Variants in AFF2 observed in about 807,000 individuals in gnomAD.
AFF2 encodes AF4/FMR2 family member 2.
In AFF2, 14 loss-of-function variants were observed where a neutral mutation model predicts 76.9. That is an observed-to-expected ratio of 0.18 (90% CI 0.12 to 0.28). The LOEUF (loss-of-function observed/expected upper bound fraction) is 0.28, where lower values mean the gene tolerates loss of function less well. Ranked by LOEUF, AFF2 falls within the 10% of genes least tolerant of loss-of-function variation. AFF2 has a pLI of 1.00. For synonymous variants in AFF2, 398 were observed against 366.7 expected (o/e 1.09, Z -0.98); for missense variants, 868 against 1,001.1 (o/e 0.87, Z 1.79).
At chrX:148,913,833 G>T (rs2071497650) in intron 9 of AFF2, among the ~76,000 whole-genome samples, 1 of 112,123 alleles carries the variant, frequency 8.9e-6, no homozygotes, top group East Asian at 2.8e-4. Context: ...GTTACACCTA[G>T]AATTTTATTT....
intron 9 of AFF2, among the ~76,000 whole-genome samples, chrX:148,927,934 G>A (rs1018439134): frequency 1.2e-4 from 13 of 112,130 alleles, no homozygotes; most frequent in Non-Finnish European, 2.4e-4. Context: ...ATGCAAAGAT[G>A]ATCAGGGATT....
intron 9 of AFF2, among the ~76,000 whole-genome samples, chrX:148,909,990 G>A (rs1388718847): frequency 3.6e-5 from 4 of 112,294 alleles, no homozygotes; most frequent in Non-Finnish European, 7.5e-5. Flanking sequence ...ATTGCTTTTG[G>A]CTAAAAGCCA....
chrX:148,691,949 G>A (rs782713317), intron 3 of AFF2, among the ~76,000 whole-genome samples: 2 of 110,870 alleles, frequency 1.8e-5, no homozygotes, highest in Admixed American at 9.7e-5. Flanking sequence ...AATTATTAAC[G>A]AATAAAATTA....
chrX:148,789,265 T>G lies in AFF2; in HGVS notation c.1042-20611T>G, dbSNP rs782723146. Among the ~76,000 whole-genome samples the G allele has an allele frequency of 1.0e-3, 116 of 112,111 alleles. 1 individual carries two copies. Among genetic ancestry groups the G allele is most frequent in the Non-Finnish European group, 1.9e-3 (102 of 53,200 alleles). Reference sequence around the variant, plus strand: ...TTCTTATCTAGACCCAAGGAAATTATGAGAATTTGATGCAGTAAAAGGATG... The same window carrying G: ...TTCTTATCTAGACCCAAGGAAATTAGGAGAATTTGATGCAGTAAAAGGATG... On this transcript the variant is annotated intron_variant, in intron 3 of 20. Transcript: ENST00000370460.
At chrX:148,710,344 T>G (rs782027214) in intron 3 of AFF2, among the ~76,000 whole-genome samples, 62 of 111,992 alleles carry the variant, frequency 5.5e-4, no homozygotes, top group African/African-American at 1.9e-3. Context: ...TACATAGCAG[T>G]TTCCATCCAT....
At chrX:148,637,328 G>A (rs782103208) in intron 1 of AFF2, among the ~76,000 whole-genome samples, 5 of 112,192 alleles carry the variant, frequency 4.5e-5, no homozygotes, top group Middle Eastern at 4.6e-3. Context: ...GATTAAAGTA[G>A]ATGGATGGGG....
chrX:148,722,512 A>G (rs1157959972), intron 3 of AFF2, among the ~76,000 whole-genome samples: 2 of 109,985 alleles, frequency 1.8e-5, no homozygotes, highest in Non-Finnish European at 3.8e-5. Context: ...TCTTTCATCA[A>G]TCACTGTAGG....
At chrX:148,878,126 G>C (rs1437048736) in intron 7 of AFF2, among the ~76,000 whole-genome samples, 1 of 111,687 alleles carries the variant, frequency 9.0e-6, no homozygotes, top group African/African-American at 3.3e-5. Flanking sequence ...TCTCCAAAGA[G>C]AATGCTGAGT....
chrX:148,750,425 G>A (rs113764981), intron 3 of AFF2, among the ~76,000 whole-genome samples: 1 of 111,475 alleles, frequency 9.0e-6, no homozygotes, highest in African/African-American at 3.3e-5. Context: ...CTCTCATCCC[G>A]CCTGTCTGTC....
rs1213851952 is a variant in AFF2, at chrX:148,993,674, A to G, written c.*2342A>G. 8.9e-6 allele frequency: 1 copy of G among 112,100 alleles called. No individual in the cohort carries two copies. Among genetic ancestry groups the G allele is most frequent in the Non-Finnish European group, 1.9e-5 (1 of 53,242 alleles). The allele number at this position is 112,100 out of a possible 1,213,427, so 9.2% of individuals were successfully genotyped here. On this transcript the variant is annotated 3_prime_UTR_variant, in exon 21 of 21. Transcript: ENST00000370460. ...GACTTGTTATATCTACTTACATACAACAGGGAGGCAAGAGGATTCTCTGTC... is the reference window on the plus strand; with the variant it reads ...GACTTGTTATATCTACTTACATACAGCAGGGAGGCAAGAGGATTCTCTGTC...
chrX:148,514,667 G>A (rs1361125230), intron 1 of AFF2, among the ~76,000 whole-genome samples: 1 of 112,075 alleles, frequency 8.9e-6, no homozygotes. Context: ...AGACAAGCCT[G>A]ATGTTACTTC....
chrX:148,872,106 T>C (rs945731840), intron 7 of AFF2, among the ~76,000 whole-genome samples: 2 of 111,142 alleles, frequency 1.8e-5, no homozygotes, highest in Non-Finnish European at 3.8e-5. Flanking sequence ...TGAGACTTTT[T>C]TTTTTAAAAA....
intron 3 of AFF2, among the ~76,000 whole-genome samples, chrX:148,663,569 G>A (rs145778172): frequency 5.7e-4 from 64 of 112,329 alleles, no homozygotes; most frequent in African/African-American, 2.0e-3. Context: ...CCTGGGTGGG[G>A]GTCATGCATG....
intron 3 of AFF2, among the ~76,000 whole-genome samples, chrX:148,676,890 A>C (rs1423594767): frequency 9.0e-6 from 1 of 111,052 alleles, no homozygotes; most frequent in Non-Finnish European, 1.9e-5. Flanking sequence ...AGTCTTTTAA[A>C]TCATTAAAAG....
At chrX:148,705,464 C>T (rs782363066) in intron 3 of AFF2, among the ~76,000 whole-genome samples, 68 of 112,201 alleles carry the variant, frequency 6.1e-4, no homozygotes, top group African/African-American at 2.1e-3. Context: ...TGACTCTATA[C>T]TGTTAAGACT....
chrX:148,769,286 A>T (rs782582313), intron 3 of AFF2, among the ~76,000 whole-genome samples: 1 of 112,028 alleles, frequency 8.9e-6, no homozygotes, highest in Admixed American at 9.5e-5. Flanking sequence ...AAGAGGTTCC[A>T]TTGAATACAT....
rs1487382286 is a variant in AFF2, at chrX:148,951,070, A to G, written c.1398-2510A>G. 4.5e-5 allele frequency among the ~76,000 whole-genome samples: 5 copies of G among 111,674 alleles called. 1 individual carries two copies. The highest frequency in any genetic ancestry group is 9.4e-5 in the Non-Finnish European group (5 of 53,156). ...GAATATTATATATGGTATATTCAGC[A>G]TAGTACTTTTTAAAATTAAAAACAT... On this transcript the variant is annotated intron_variant, in intron 9 of 20. Transcript: ENST00000370460.
At chrX:148,517,148 A>G (rs1259151541) in intron 1 of AFF2, among the ~76,000 whole-genome samples, 2 of 111,874 alleles carry the variant, frequency 1.8e-5, no homozygotes, top group East Asian at 5.6e-4. Flanking sequence ...ACCATTAAAT[A>G]CTTAAAGTAG....
chrX:148,643,933 G>C (rs1557255060), intron 1 of AFF2, among the ~76,000 whole-genome samples: 4 of 111,819 alleles, frequency 3.6e-5, no homozygotes, highest in African/African-American at 1.3e-4. Context: ...GGCATACAAA[G>C]TGGTTGATAT....
Sources: allele counts gnomAD v4.1 joint callset (sites outside exome capture counted in the v4.1 genomes callset), GRCh38; gene constraint gnomAD v4.1.1; transcripts MANE v1.5; gene names NCBI Gene and HGNC (gene_info 2026-07-23, HGNC 2026-07-21).